ARHGAP8: variants seen among roughly 807,000 people sequenced by gnomAD.
ARHGAP8 encodes rho GTPase-activating protein 8.
In ARHGAP8, 62 loss-of-function variants were observed where a neutral mutation model predicts 46.1. The observed-to-expected ratio is 1.34, with a 90% CI of 1.10 to 1.66. The LOEUF is 1.66. ARHGAP8 is among the 40% of genes most tolerant of loss of function. ARHGAP8 has a pLI of 0.00. For synonymous variants in ARHGAP8, 375 were observed against 243.1 expected, an observed-to-expected ratio of 1.54 and a Z score of -5.05; for missense variants, 923 against 568.4, an observed-to-expected ratio of 1.62 and a Z score of -6.34.
At chr22:44,859,123 T>C (rs144909487) in intron 10 of ARHGAP8, among the ~76,000 whole-genome samples, 1 of 152,122 alleles carries the variant, frequency 6.6e-6, no homozygotes, top group South Asian at 2.1e-4. Flanking sequence ...TTTAGCAGCT[T>C]CCTGGAAGGT....
intron 7 of ARHGAP8, among the ~76,000 whole-genome samples, chr22:44,837,802 A>G (rs1324091417): frequency 1.3e-5 from 2 of 152,086 alleles, no homozygotes; most frequent in Non-Finnish European, 2.9e-5. Context: ...TGAGAGCCTC[A>G]GAGTAGATGT....
At chr22:44,789,167 T>C (rs1927485400) in intron 2 of ARHGAP8, among the ~76,000 whole-genome samples, 1 of 152,166 alleles carries the variant, frequency 6.6e-6, no homozygotes, top group Admixed American at 6.5e-5. Flanking sequence ...TTTGTTTTTT[T>C]GGAATGAAGT....
In ARHGAP8 at chr22:44,862,684, C is replaced by G. The variant is rs1355859072; in HGVS notation, c.*89C>G. The G allele has an allele frequency of 4.9e-6, 7 of 1,433,054 alleles. No individual in the cohort carries two copies. Among genetic ancestry groups the G allele is most frequent in the Admixed American group, 2.6e-5 (1 of 38,594 alleles). The allele number at this position is 1,433,054 out of a possible 1,614,324, so 88.8% of individuals were successfully genotyped here. ...GTAAACTTGGCATCTGTAAAAATAA[C>G]CAGCCATTAGATGAATTCAGAACCT... On this transcript the variant is annotated 3_prime_UTR_variant, in exon 12 of 12. Transcript: ENST00000356099.
At position 44,847,994 on chromosome 22, in the gene ARHGAP8, TC is replaced by T. The variant is rs2069999698; in HGVS notation, c.694del (p.Arg232GlyfsTer22). The T allele has an allele frequency of 2.5e-6, 4 of 1,608,028 alleles. No homozygotes were observed. Among genetic ancestry groups the T allele is most frequent in the Non-Finnish European group, 3.4e-6 (4 of 1,179,898 alleles). ...GCAGGCCTGCGCACCGAGGGCCTGT[TC>T]CGGAGATCCGCCAGCGTGCAGACCG... ...REKGLRTEGL[F>X]RRSASVQTVR... On this transcript the variant is annotated frameshift_variant, in exon 9 of 12. Transcript: ENST00000356099. LOFTEE classifies it high-confidence loss of function.
rs73176189 is a variant in ARHGAP8, at chr22:44,859,808, C to G, written c.955C>G (p.Arg319Gly). The G allele has an allele frequency of 6.2e-7, 1 of 1,614,032 alleles. No individual in the cohort carries two copies. The highest frequency in any genetic ancestry group is 1.1e-5 in the South Asian group (1 of 91,080). Residue 319 changes from arginine (R) to glycine (G), a missense_variant, in exon 11 of 12, where the codon CGC (arginine) becomes GGC (glycine). Physicochemically the swap from Arg to Gly is moderately radical, Grantham distance 125. Transcript: ENST00000356099. Reference protein sequence around the residue: ...SLPEHNYVVLRYLMGFLHAVS... With the variant: ...SLPEHNYVVLGYLMGFLHAVS... ...CCCAGAGCACAACTACGTCGTCCTC[C>G]GCTACCTCATGGGCTTCCTGCATGC...
At chr22:44,842,964 A>G (rs1385073933) in intron 7 of ARHGAP8, among the ~76,000 whole-genome samples, 1 of 152,194 alleles carries the variant, frequency 6.6e-6, no homozygotes, top group East Asian at 1.9e-4. Context: ...AATGTATGCC[A>G]TGGGCTACGT....
intron 1 of ARHGAP8, among the ~76,000 whole-genome samples, chr22:44,759,427 C>T (rs1390203590): frequency 6.6e-6 from 1 of 152,208 alleles, no homozygotes; most frequent in Non-Finnish European, 1.5e-5. Context: ...CTGTAATTAA[C>T]AGAAAACACA....
intron 9 of ARHGAP8, among the ~76,000 whole-genome samples, chr22:44,848,398 C>T (rs2070013257): frequency 6.6e-6 from 1 of 152,244 alleles, no homozygotes; most frequent in Non-Finnish European, 1.5e-5. Context: ...ATTGGCTCAG[C>T]ACGGCTTCCT....
chr22:44,845,466 G>A, intron 8 of ARHGAP8, 124 bp downstream of exon 8: 1 of 1,315,096 alleles, frequency 7.6e-7, no homozygotes, highest in Non-Finnish European at 1.1e-6. Flanking sequence ...AGGGGCTCAA[G>A]CACAGTGGCT....
intron 3 of ARHGAP8, among the ~76,000 whole-genome samples, chr22:44,807,751 G>A (rs1249290991): frequency 6.6e-6 from 1 of 152,210 alleles, no homozygotes; most frequent in Non-Finnish European, 1.5e-5. Context: ...CCCTGGGAAG[G>A]GAGAAGCCCT....
chr22:44,840,080 G>A (rs1602250091), intron 7 of ARHGAP8, among the ~76,000 whole-genome samples: 1 of 152,146 alleles, frequency 6.6e-6, no homozygotes, highest in Non-Finnish European at 1.5e-5. Flanking sequence ...AGGGTTTCCA[G>A]CAAAAAGGTT....
intron 7 of ARHGAP8, among the ~76,000 whole-genome samples, chr22:44,831,905 C>A (rs931051523): frequency 2.6e-5 from 4 of 152,072 alleles, no homozygotes; most frequent in African/African-American, 9.7e-5. Flanking sequence ...TCTGTGAGTC[C>A]TCCAACTTTT....
chr22:44,840,725 A>G (rs771434644), intron 7 of ARHGAP8, among the ~76,000 whole-genome samples: 11 of 152,206 alleles, frequency 7.2e-5, no homozygotes, highest in African/African-American at 1.9e-4. Flanking sequence ...TCACAGCTCA[A>G]CGAAGCCGGC....
Position 44,860,356 on chromosome 22 carries a change from T to C in ARHGAP8, c.981+522T>C, listed in dbSNP as rs146013228. Among the ~76,000 whole-genome samples the C allele has an allele frequency of 1.4e-3, 208 of 152,270 alleles. 3 individuals are homozygous for C. In the East Asian group the frequency reaches 0.032, roughly 23 times the overall value. ...CGGGCTGTGCTCCTTCCAGAGGCTC[T>C]AGGGAAGGTTCCCCTTCCTGGCCTC... On this transcript the variant is annotated intron_variant, in intron 11 of 11. Coordinates refer to ENST00000356099, the MANE Select transcript of ARHGAP8 (RefSeq NM_181335.3).
Position 44,830,790 on chromosome 22 carries a change from C to T in ARHGAP8, c.596+5197C>T, listed in dbSNP as rs576481242. On this transcript the variant is annotated intron_variant, in intron 7 of 11. Transcript: ENST00000356099. Reference sequence around the variant, plus strand: ...TTGACCTCAGGTGATCCACCCATCTCGGCCTCCCAAAGTGCTGGGATTACA... The same window carrying T: ...TTGACCTCAGGTGATCCACCCATCTTGGCCTCCCAAAGTGCTGGGATTACA... Among the ~76,000 whole-genome samples, 4 of 152,126 alleles carry T rather than the reference C, an allele frequency of 2.6e-5. No homozygotes were observed. In the East Asian group the frequency reaches 5.8e-4, roughly 22 times the overall value.
intron 2 of ARHGAP8, among the ~76,000 whole-genome samples, chr22:44,791,552 A>G (rs1180625057): frequency 1.3e-5 from 2 of 152,200 alleles, no homozygotes; most frequent in Admixed American, 6.5e-5. Flanking sequence ...AAAAATACAC[A>G]AATTAGCCGG....
intron 5 of ARHGAP8, among the ~76,000 whole-genome samples, chr22:44,816,838 A>C (rs1929780613): frequency 6.9e-6 from 1 of 145,162 alleles, no homozygotes; most frequent in Non-Finnish European, 1.5e-5. Flanking sequence ...CTGCCCTGCC[A>C]GGCGGCTTGG....
chr22:44,797,217 CTTTTTT>C (rs370851544), intron 2 of ARHGAP8, among the ~76,000 whole-genome samples: 2 of 128,004 alleles, frequency 1.6e-5, no homozygotes. Flanking sequence ...TGCTACTTGG[CTTTTTT>C]TTTTTTTTTT....
chr22:44,823,703 G>GT (rs1350067987), intron 6 of ARHGAP8, among the ~76,000 whole-genome samples: 1 of 152,172 alleles, frequency 6.6e-6, no homozygotes, highest in Non-Finnish European at 1.5e-5. Context: ...TGTGGTGGAA[G>GT]TGATTTGGTC....
Sources: gnomAD v4.1 joint callset for allele counts (sites outside exome capture counted in the v4.1 genomes callset) on GRCh38, gnomAD v4.1.1 for gene constraint, MANE v1.5 for transcripts, NCBI Gene and HGNC (gene_info 2026-07-23, HGNC 2026-07-21) for gene names.